The following DPP10 variants were observed in gnomAD, a reference collection of about 807,000 sequenced individuals.
DPP10 encodes dipeptidyl peptidase like 10.
DPP10 carries 33 observed loss-of-function variants against 120.9 expected under a neutral mutation model. That is an observed-to-expected ratio of 0.27 (90% CI 0.21 to 0.37). The LOEUF is 0.37. Among genes scored for constraint, DPP10 ranks in the 10% least tolerant of loss-of-function variants. The pLI is 1.00. For missense variants in DPP10, 816 were observed against 942.8 expected, an observed-to-expected ratio of 0.87 and a Z score of 1.76; for synonymous variants, 337 against 326.1, an observed-to-expected ratio of 1.03 and a Z score of -0.36.
intron 1 of DPP10, among the ~76,000 whole-genome samples, chr2:114,560,104 G>C (rs1398348498): frequency 1.3e-5 from 2 of 151,820 alleles, no homozygotes; most frequent in Middle Eastern, 3.2e-3. Flanking sequence ...AGGAAATTTT[G>C]GTTCCAATAG....
At chr2:114,843,732 C>T (rs1419920579) in intron 1 of DPP10, among the ~76,000 whole-genome samples, 3 of 152,050 alleles carry the variant, frequency 2.0e-5, no homozygotes, top group Non-Finnish European at 4.4e-5. Context: ...ATTCTGGTCC[C>T]GTCAATCCCT....
intron 1 of DPP10, among the ~76,000 whole-genome samples, chr2:114,969,164 A>G (rs957851090): frequency 6.6e-6 from 1 of 152,204 alleles, no homozygotes; most frequent in Non-Finnish European, 1.5e-5. Context: ...TGTAGTTTCA[A>G]CACTTCTGGC....
intron 1 of DPP10, among the ~76,000 whole-genome samples, chr2:115,139,633 C>T (rs780292925): frequency 2.8e-5 from 4 of 141,222 alleles, no homozygotes; most frequent in African/African-American, 5.2e-5. Context: ...TCTAAGTGGG[C>T]CAGAGGTGAA....
chr2:115,563,097 A>T (rs1375866801), intron 5 of DPP10, among the ~76,000 whole-genome samples: 1 of 152,210 alleles, frequency 6.6e-6, no homozygotes, highest in Non-Finnish European at 1.5e-5. Context: ...TCATGGGCAA[A>T]GTATGAAAAC....
intron 1 of DPP10, among the ~76,000 whole-genome samples, chr2:114,580,721 G>GC (rs1690428550): frequency 8.1e-6 from 1 of 123,112 alleles, no homozygotes; most frequent in Non-Finnish European, 1.8e-5. Flanking sequence ...TATCACATCT[G>GC]TTTTTTTTTT....
At chr2:114,754,421 G>A (rs905776538) in intron 1 of DPP10, among the ~76,000 whole-genome samples, 2 of 152,152 alleles carry the variant, frequency 1.3e-5, no homozygotes, top group Non-Finnish European at 2.9e-5. Flanking sequence ...TGCCTTTTAT[G>A]TATAATGATT....
intron 1 of DPP10, among the ~76,000 whole-genome samples, chr2:115,000,012 A>T (rs1038587845): frequency 1.4e-4 from 3 of 22,080 alleles, no homozygotes; most frequent in Admixed American, 8.7e-4. Flanking sequence ...AATTCAACCA[A>T]TTAGTTTTTT....
chr2:115,730,772 C>G, intron 8 of DPP10, among the ~76,000 whole-genome samples: 1 of 152,132 alleles, frequency 6.6e-6, no homozygotes, highest in East Asian at 1.9e-4. Context: ...GTAATACAAA[C>G]TTTTGTGATG....
At chr2:114,519,654 G>T (rs867289720) in intron 1 of DPP10, among the ~76,000 whole-genome samples, 11 of 152,172 alleles carry the variant, frequency 7.2e-5, no homozygotes, top group African/African-American at 2.7e-4. Context: ...CACATTATTA[G>T]CCCAGTTCTA....
intron 3 of DPP10, among the ~76,000 whole-genome samples, chr2:115,481,574 T>C (rs551370319): frequency 1.6e-4 from 24 of 152,224 alleles, no homozygotes; most frequent in African/African-American, 5.8e-4. Flanking sequence ...AATGAAGTCG[T>C]TGGACAAGAT....
chr2:114,652,043 T>C (rs959571307), intron 1 of DPP10, among the ~76,000 whole-genome samples: 12 of 151,716 alleles, frequency 7.9e-5, no homozygotes, highest in African/African-American at 2.9e-4. Flanking sequence ...GGGATATCCA[T>C]GAAGAAAAAA....
At chr2:114,783,492 A>G (rs982038270) in intron 1 of DPP10, among the ~76,000 whole-genome samples, 6 of 152,148 alleles carry the variant, frequency 3.9e-5, no homozygotes, top group African/African-American at 1.4e-4. Context: ...AAATAACTAA[A>G]CATATAAACA....
chr2:115,557,209 C>A (rs78403788), intron 5 of DPP10, among the ~76,000 whole-genome samples: 354 of 152,162 alleles, frequency 2.3e-3, no homozygotes, highest in African/African-American at 7.9e-3. Flanking sequence ...TAATAAAATG[C>A]GGTCAGAAAG....
chr2:115,832,580 A>C (rs1343578847), intron 21 of DPP10, among the ~76,000 whole-genome samples: 2 of 152,238 alleles, frequency 1.3e-5, no homozygotes, highest in African/African-American at 2.4e-5. Flanking sequence ...TAAATGCTAT[A>C]AATAGAATTT....
At chr2:115,483,279 T>C (rs2075551586) in intron 3 of DPP10, among the ~76,000 whole-genome samples, 1 of 152,078 alleles carries the variant, frequency 6.6e-6, no homozygotes, top group African/African-American at 2.4e-5. Flanking sequence ...TGTAGGATTT[T>C]TAAAAAATTA....
At chr2:114,674,987 T>C (rs1698578081) in intron 1 of DPP10, among the ~76,000 whole-genome samples, 1 of 152,214 alleles carries the variant, frequency 6.6e-6, no homozygotes, top group African/African-American at 2.4e-5. Context: ...AGTGTAACCC[T>C]TCACTTCATG....
chr2:115,364,538 T>C (rs1260686163), intron 3 of DPP10, among the ~76,000 whole-genome samples: 1 of 152,082 alleles, frequency 6.6e-6, no homozygotes, highest in Admixed American at 6.6e-5. Context: ...ATATTCTTAT[T>C]TTTCCATACA....
intron 1 of DPP10, among the ~76,000 whole-genome samples, chr2:114,691,232 A>G (rs983889514): frequency 3.3e-5 from 5 of 152,100 alleles, no homozygotes; most frequent in African/African-American, 1.2e-4. Context: ...ATTTTGATGT[A>G]TGTTCCTTCA....
chr2:115,832,634 G>C (rs1489186157), intron 21 of DPP10, among the ~76,000 whole-genome samples: 1 of 151,922 alleles, frequency 6.6e-6, no homozygotes, highest in Admixed American at 6.6e-5. Flanking sequence ...AAAATATTTG[G>C]CTTCATTAAA....
Sources: allele counts gnomAD v4.1 joint callset (sites outside exome capture counted in the v4.1 genomes callset), GRCh38; gene constraint gnomAD v4.1.1; transcripts MANE v1.5; gene names NCBI Gene and HGNC (gene_info 2026-07-23, HGNC 2026-07-21).